JMJD1C: variants seen among roughly 807,000 people sequenced by gnomAD.
JMJD1C encodes jumonji domain-containing protein 1C.
In JMJD1C, 31 loss-of-function variants were observed where a neutral mutation model predicts 245.3. That is an observed-to-expected ratio of 0.13 (90% CI 0.09 to 0.17). The LOEUF (loss-of-function observed/expected upper bound fraction) is 0.17. JMJD1C is among the 10% of genes least tolerant of loss of function. The pLI is 1.00. For missense variants in JMJD1C, 2,691 were observed against 3,000.2 expected (o/e 0.90, Z 2.41); for synonymous variants, 1,057 against 1,017.4 (o/e 1.04, Z -0.74).
chr10:63,320,210 T>C (rs1940677706), intron 2 of JMJD1C, among the ~76,000 whole-genome samples: 1 of 152,186 alleles, frequency 6.6e-6, no homozygotes. Flanking sequence ...CCAGCATATC[T>C]TACATTTTGT....
chr10:63,357,996 T>C (rs1477714884), intron 2 of JMJD1C, among the ~76,000 whole-genome samples: 2 of 151,024 alleles, frequency 1.3e-5, no homozygotes, highest in African/African-American at 4.9e-5. Context: ...ACGTGGCAAC[T>C]GTATTTCTGG....
Position 63,168,448 on chromosome 10 carries a change from T to A in JMJD1C, c.7520A>T (p.Asp2507Val). 2 of 1,608,258 alleles carry A rather than the reference T, an allele frequency of 1.2e-6. No individual in the cohort carries two copies. The highest frequency in any genetic ancestry group is 1.7e-6 in the Non-Finnish European group (2 of 1,178,114). The change falls in exon 25 of 26, where the codon GAT (aspartate) becomes GTT (valine). Residue 2507 changes from aspartate to valine, a missense_variant. This residue lies in a region of JMJD1C where 232 missense variants were observed against 416.1 expected (regional missense o/e 0.56). Transcript: ENST00000399262. ...LRLLKEEINY[D>V]DKLQVKNILY... ...CCCAACTCTTACCTGTAGTTTATCA[T>A]CATAATTGATTTCTTCCTTCAAAAG...
intron 3 of JMJD1C, among the ~76,000 whole-genome samples, chr10:63,231,025 A>C (rs1191745457): frequency 6.6e-6 from 1 of 152,220 alleles, no homozygotes. Context: ...AGTTGTAAGC[A>C]GAATTTTAAA....
chr10:63,212,914 G>A (rs997836958), intron 8 of JMJD1C, among the ~76,000 whole-genome samples: 5 of 150,412 alleles, frequency 3.3e-5, no homozygotes, highest in Admixed American at 6.6e-5. Context: ...TTAGCCGGGC[G>A]CGGTGGCTCA....
At chr10:63,404,902 T>C (rs1949079191) in intron 1 of JMJD1C, among the ~76,000 whole-genome samples, 1 of 152,202 alleles carries the variant, frequency 6.6e-6, no homozygotes, top group South Asian at 2.1e-4. Context: ...ACCTTAACAC[T>C]TGTTCTAAGT....
intron 1 of JMJD1C, among the ~76,000 whole-genome samples, chr10:63,420,851 ACAACAAAGTACAAAACAAACAAAAT>A (rs140562053): frequency 0.14 from 21,724 of 151,936 alleles, 3,666 homozygotes; most frequent in African/African-American, 0.41. Flanking sequence ...AGAGCAGAAA[ACAACAAAGTACAAAACAAACAAAAT>A]CAACAAAGTA....
intron 1 of JMJD1C, among the ~76,000 whole-genome samples, chr10:63,449,068 G>A (rs979559266): frequency 2.6e-5 from 4 of 152,180 alleles, no homozygotes; most frequent in Admixed American, 2.6e-4. Flanking sequence ...AGTGAGCCAA[G>A]ATCTCACCAC....
At chr10:63,460,525 G>C (rs988304511) in intron 1 of JMJD1C, among the ~76,000 whole-genome samples, 2 of 151,924 alleles carry the variant, frequency 1.3e-5, no homozygotes, top group African/African-American at 4.8e-5. Flanking sequence ...TCTCAAAAAA[G>C]AGTAAATAGT....
At chr10:63,456,258 C>T (rs1952406105) in intron 1 of JMJD1C, among the ~76,000 whole-genome samples, 1 of 151,950 alleles carries the variant, frequency 6.6e-6, no homozygotes, top group Non-Finnish European at 1.5e-5. Flanking sequence ...ATAGGCTCTA[C>T]ATAGTTTTAT....
intron 3 of JMJD1C, among the ~76,000 whole-genome samples, chr10:63,226,708 C>G (rs1849321359): frequency 2.3e-5 from 2 of 85,882 alleles, no homozygotes; most frequent in Admixed American, 2.8e-4. Flanking sequence ...AAGCACAACC[C>G]TGTTTCAAAA....
Position 63,201,703 on chromosome 10 carries a change from G to C in JMJD1C, c.5075-1026C>G, listed in dbSNP as rs1418294651. Among the ~76,000 whole-genome samples, 3 of 152,088 alleles carry C rather than the reference G, an allele frequency of 2.0e-5. No individual in the cohort carries two copies. The East Asian group carries it at 5.8e-4, about 29-fold the overall frequency. ...CCAGTACTTTGGGAGGCTGAGGCGGGCGGATCACCTGAGGTCGGGAGTTCG... is the reference window on the plus strand; with the variant it reads ...CCAGTACTTTGGGAGGCTGAGGCGGCCGGATCACCTGAGGTCGGGAGTTCG... On this transcript the variant is annotated intron_variant, in intron 10 of 25. Coordinates refer to ENST00000399262, the MANE Select transcript of JMJD1C (RefSeq NM_032776.3).
At chr10:63,295,359 G>A (rs979940164) in intron 2 of JMJD1C, among the ~76,000 whole-genome samples, 8 of 151,552 alleles carry the variant, frequency 5.3e-5, no homozygotes, top group Non-Finnish European at 8.8e-5. Flanking sequence ...TAAAGTGCTC[G>A]GCCACCCAAA....
At chr10:63,171,618 G>C (rs566885685) in intron 24 of JMJD1C, among the ~76,000 whole-genome samples, 2 of 152,248 alleles carry the variant, frequency 1.3e-5, no homozygotes, top group African/African-American at 4.8e-5. Flanking sequence ...TCCAAAGTGT[G>C]GTCCCTGAAC....
intron 3 of JMJD1C, among the ~76,000 whole-genome samples, chr10:63,220,351 C>T (rs989803477): frequency 6.6e-5 from 10 of 152,194 alleles, no homozygotes; most frequent in African/African-American, 1.9e-4. Flanking sequence ...CTGAGGTGAA[C>T]ATTTGAATGA....
At chr10:63,422,319 G>A (rs916893837) in intron 1 of JMJD1C, among the ~76,000 whole-genome samples, 1 of 152,176 alleles carries the variant, frequency 6.6e-6, no homozygotes, top group Non-Finnish European at 1.5e-5. Context: ...GGCTGAGGCA[G>A]GAGAATCGCT....
intron 3 of JMJD1C, among the ~76,000 whole-genome samples, chr10:63,256,900 G>C (rs1854014406): frequency 6.6e-6 from 1 of 152,184 alleles, no homozygotes; most frequent in Non-Finnish European, 1.5e-5. Context: ...AACTGGGAAT[G>C]TGTTCGACGC....
rs971518124 is a variant in JMJD1C at position 63,478,025 on chromosome 10, A to G, written n.113+43713T>C. On this transcript the variant is annotated intron_variant and non_coding_transcript_variant, in intron 1 of 3. Transcript: ENST00000633035. ...GGAAATGCAAATTAAAACCACAATG[A>G]GATACCAAGTGTAAAGGAAGATAAG... is the stretch of plus-strand genomic sequence containing the variant. 9.8e-5 allele frequency among the ~76,000 whole-genome samples: 15 copies of G among 152,336 alleles called. No homozygotes were observed. In the East Asian group the frequency reaches 1.2e-3, roughly 12 times the overall value.
At chr10:63,463,839 T>C (rs1015923485) in intron 1 of JMJD1C, among the ~76,000 whole-genome samples, 19 of 152,212 alleles carry the variant, frequency 1.2e-4, no homozygotes, top group African/African-American at 4.6e-4. Flanking sequence ...AAGAAACTCC[T>C]ATTCTTTCCA....
intron 2 of JMJD1C, among the ~76,000 whole-genome samples, chr10:63,273,726 A>G (rs1263380115): frequency 6.6e-6 from 1 of 152,128 alleles, no homozygotes; most frequent in Non-Finnish European, 1.5e-5. Flanking sequence ...AAACTACTCC[A>G]GTTACTGCCC....
Sources: allele counts gnomAD v4.1 joint callset (sites outside exome capture counted in the v4.1 genomes callset), GRCh38; gene constraint gnomAD v4.1.1; regional missense constraint gnomAD v4.1.1; transcripts MANE v1.5; gene names NCBI Gene and HGNC (gene_info 2026-07-23, HGNC 2026-07-21).